The following CDH3 variants were observed in gnomAD, a reference collection of about 807,000 sequenced individuals.
The protein encoded by CDH3 is cadherin-3.
In CDH3, 54 loss-of-function variants were observed where a neutral mutation model predicts 82.0. That is an observed-to-expected ratio of 0.66 (90% CI 0.53 to 0.83). The LOEUF (loss-of-function observed/expected upper bound fraction) is 0.83, where lower values mean the gene tolerates loss of function less well. Ranked by LOEUF, CDH3 falls within the 40% of genes least tolerant of loss-of-function variation. The pLI is 0.00. For synonymous variants in CDH3, 446 were observed against 437.9 expected (o/e 1.02, Z -0.23); for missense variants, 1,054 against 1,084.6 (o/e 0.97, Z 0.40).
At chr16:68,711,562 G>A (rs1962031821) in intron 1 of CDH3, among the ~76,000 whole-genome samples, 1 of 152,166 alleles carries the variant, frequency 6.6e-6, no homozygotes, top group African/African-American at 2.4e-5. Flanking sequence ...ACGGTATGGT[G>A]CCGGTTTCCC....
Position 68,708,895 on chromosome 16 carries a change from G to A in CDH3, c.99+12972G>A, listed in dbSNP as rs138740394. Among the ~76,000 whole-genome samples the A allele has an allele frequency of 1.2e-4, 18 of 151,928 alleles. No homozygotes were observed. The East Asian group carries it at 1.9e-3, about 16-fold the overall frequency. On this transcript the variant is annotated intron_variant, in intron 1 of 2. Coordinates refer to the CDH3 transcript ENST00000569080. The stretch of plus-strand genomic sequence containing the variant: ...TGACCTCAGGTGATCCACCCACCTC[G>A]GCCTCCCAAAGTGCTGGGATTACAG...
At chr16:68,708,466 C>A (rs1463255598) in intron 1 of CDH3, among the ~76,000 whole-genome samples, 1 of 152,174 alleles carries the variant, frequency 6.6e-6, no homozygotes, top group Non-Finnish European at 1.5e-5. Context: ...GCCTGGCATG[C>A]CATTCCCCTA....
At chr16:68,715,331 G>A (rs2152110557) in intron 1 of CDH3, among the ~76,000 whole-genome samples, 1 of 151,444 alleles carries the variant, frequency 6.6e-6, no homozygotes, top group Non-Finnish European at 1.5e-5. Context: ...GGAGGCTGAG[G>A]CAGGAGAATT....
At chr16:68,676,617 G>T in intron 3 of CDH3, 147 bp downstream of exon 3, 4 of 708,812 alleles carry the variant, frequency 5.6e-6, no homozygotes, top group Non-Finnish European at 1.0e-5. Context: ...GCTGTCCACA[G>T]CTTGGGTGTG....
At position 68,713,785 on chromosome 16, in the gene CDH3, C is replaced by A. The variant is rs546407170; in HGVS notation, c.100-8640C>A. 1.5e-4 allele frequency among the ~76,000 whole-genome samples: 23 copies of A among 152,146 alleles called. 1 individual carries two copies. The highest frequency in any genetic ancestry group is 2.6e-4 in the Non-Finnish European group (18 of 68,032). On this transcript the variant is annotated intron_variant, in intron 1 of 2. Transcript: ENST00000569080. ...CGCTCCCCAGGTACAGACCACACAG[C>A]CACACTGGGCAATGCACCCTTCCTG...
chr16:68,710,700 C>T lies in CDH3; in HGVS notation c.100-11725C>T, dbSNP rs1226928371. On this transcript the variant is annotated intron_variant, in intron 1 of 2. Transcript: ENST00000569080. ...CTCTACTAAAAATACAAAAATTAGC[C>T]GAGTGTGGTGGCGGGCGCCTGTAAT... Among the ~76,000 whole-genome samples, 3 of 150,956 alleles carry T rather than the reference C, an allele frequency of 2.0e-5. No homozygotes were observed. In the Admixed American group the frequency reaches 2.0e-4, roughly 10 times the overall value.
Position 68,691,923 on chromosome 16 carries a change from C to T in CDH3, c.1999C>T (p.Leu667=). The T allele has an allele frequency of 1.2e-6, 2 of 1,611,138 alleles. No individual in the cohort carries two copies. The highest frequency in any genetic ancestry group is 1.7e-6 in the Non-Finnish European group (2 of 1,178,330). Residue 667 remains leucine (L), a synonymous_variant, in exon 13 of 16, where the codon CTG becomes TTG. Transcript: ENST00000264012. ...TGTGCTGGGGGCTGTCCTGGCTCTG[C>T]TGTGTGAGTACCAGGCCCCCACCCC... ...LPVLGAVLAL[L]FLLLVLLLLV...
chr16:68,685,684 G>A (rs1961392330), intron 11 of CDH3, among the ~76,000 whole-genome samples: 1 of 152,122 alleles, frequency 6.6e-6, no homozygotes, highest in African/African-American at 2.4e-5. Context: ...GTGTGCACCT[G>A]TAGTCCCAGC....
chr16:68,650,489 C>T (rs140968294), intron 2 of CDH3, among the ~76,000 whole-genome samples: 127 of 152,130 alleles, frequency 8.3e-4, no homozygotes, highest in African/African-American at 2.7e-3. Context: ...TTAGTAGAGA[C>T]GGGGTTTTAT....
At chr16:68,666,459 T>G (rs1325260746) in intron 2 of CDH3, among the ~76,000 whole-genome samples, 3 of 151,960 alleles carry the variant, frequency 2.0e-5, no homozygotes, top group Non-Finnish European at 4.4e-5. Flanking sequence ...CAGGGGTGGG[T>G]CCCAAGTGAA....
At position 68,645,311 on chromosome 16, in the gene CDH3, A is replaced by G; in HGVS notation, c.-69A>G. On this transcript the variant is annotated 5_prime_UTR_variant, in exon 1 of 16. Coordinates refer to ENST00000264012, the MANE Select transcript of CDH3 (RefSeq NM_001793.6). ...TGGCTCCCGGGGGCTGCGGTGCTCAAAGGGGCAAGAGCTGAGCGGAACACC... is the reference window on the plus strand; with the variant it reads ...TGGCTCCCGGGGGCTGCGGTGCTCAGAGGGGCAAGAGCTGAGCGGAACACC... The G allele has an allele frequency of 6.5e-7, 1 of 1,532,312 alleles. No individual in the cohort carries two copies. Among genetic ancestry groups the G allele is most frequent in the Non-Finnish European group, 9.0e-7 (1 of 1,114,680 alleles). 94.9% of individuals were successfully genotyped at this position (1,532,312 alleles called of 1,614,324 possible).
At chr16:68,674,023 C>T (rs1232712313) in intron 2 of CDH3, among the ~76,000 whole-genome samples, 1 of 152,018 alleles carries the variant, frequency 6.6e-6, no homozygotes, top group Non-Finnish European at 1.5e-5. Context: ...TGTTTGAATC[C>T]TTTTGGTTCT....
At chr16:68,679,695 A>C (rs1174948804) in intron 6 of CDH3, 104 bp from the exon 7 acceptor site, 1 of 130,564 alleles carries the variant, frequency 7.7e-6, no homozygotes, top group Non-Finnish European at 1.3e-5. Flanking sequence ...ACTTCATCTC[A>C]AAAAAAAAAA....
intron 2 of CDH3, among the ~76,000 whole-genome samples, chr16:68,661,845 C>G (rs995501782): frequency 6.6e-6 from 1 of 152,226 alleles, no homozygotes; most frequent in African/African-American, 2.4e-5. Flanking sequence ...CCTGCCAGCA[C>G]ACCTGGCTAA....
chr16:68,731,503 C>T (rs1481057497), downstream of CDH3, among the ~76,000 whole-genome samples: 1 of 47,292 alleles, frequency 2.1e-5, no homozygotes, highest in African/African-American at 6.3e-5. Flanking sequence ...TATATATATA[C>T]ACACACACAT....
intron 2 of CDH3, among the ~76,000 whole-genome samples, chr16:68,658,770 A>G (rs1960477062): frequency 6.6e-6 from 1 of 152,160 alleles, no homozygotes; most frequent in African/African-American, 2.4e-5. Flanking sequence ...CGCTTCCAGA[A>G]GTCTCCTGCA....
intron 3 of CDH3, among the ~76,000 whole-genome samples, chr16:68,676,850 T>C (rs1432468596): frequency 6.6e-6 from 1 of 152,190 alleles, no homozygotes; most frequent in African/African-American, 2.4e-5. Context: ...TCCAGGAAGA[T>C]ACATCTGGGG....
At chr16:68,694,279 C>A (rs1430050168) in intron 13 of CDH3, among the ~76,000 whole-genome samples, 4 of 140,574 alleles carry the variant, frequency 2.8e-5, no homozygotes, top group Non-Finnish European at 4.5e-5. Context: ...TGACACTGCA[C>A]TCCAGTCTGG....
intron 2 of CDH3, among the ~76,000 whole-genome samples, chr16:68,665,760 T>C (rs537413171): frequency 4.6e-4 from 70 of 152,170 alleles, no homozygotes; most frequent in Non-Finnish European, 5.1e-4. Context: ...AGTGCCTAGT[T>C]TGGGTTTCAC....
Sources: gnomAD v4.1 joint callset for allele counts (sites outside exome capture counted in the v4.1 genomes callset) on GRCh38, gnomAD v4.1.1 for gene constraint, MANE v1.5 for transcripts, NCBI Gene and HGNC (gene_info 2026-07-23, HGNC 2026-07-21) for gene names.